HSD17B6: variants seen among roughly 807,000 people sequenced by gnomAD.
HSD17B6 encodes the protein 17-beta-hydroxysteroid dehydrogenase type 6.
A neutral mutation model predicts 26.4 loss-of-function variants in HSD17B6; 16 were observed. That is an observed-to-expected ratio of 0.61 (90% confidence interval 0.41 to 0.92). HSD17B6 has a LOEUF of 0.92. HSD17B6 is among the 40% of genes least tolerant of loss of function. HSD17B6 has a pLI of 0.00. For missense variants in HSD17B6, 357 were observed against 386.1 expected (o/e 0.92, Z 0.63); for synonymous variants, 139 against 153.0 (o/e 0.91, Z 0.68).
intron 1 of HSD17B6, among the ~76,000 whole-genome samples, chr12:56,769,854 C>T (rs553011486): frequency 1.7e-4 from 25 of 145,844 alleles, no homozygotes; most frequent in Non-Finnish European, 2.9e-4. Flanking sequence ...TTTGGGATTC[C>T]GCCAGGTGTA....
At chr12:56,786,012 T>A in intron 4 of HSD17B6, 1 of 933,262 alleles carries the variant, frequency 1.1e-6, no homozygotes, top group Non-Finnish European at 1.3e-6. Context: ...TGACTTCTAA[T>A]AGGTACAGGG....
intron 1 of HSD17B6, among the ~76,000 whole-genome samples, chr12:56,769,403 A>G (rs1362381532): frequency 6.6e-6 from 1 of 152,150 alleles, no homozygotes; most frequent in Admixed American, 6.6e-5. Context: ...TGCCTGGCCT[A>G]GCTTTTCAAG....
intron 2 of HSD17B6, among the ~76,000 whole-genome samples, chr12:56,778,402 C>G (rs1412278638): frequency 6.6e-6 from 1 of 152,046 alleles, no homozygotes; most frequent in African/African-American, 2.4e-5. Context: ...ATTCTGCTGC[C>G]TCAGCCTCCT....
At chr12:56,781,908 C>G in intron 2 of HSD17B6, 66 bp from the exon 3 acceptor site, 1 of 1,538,612 alleles carries the variant, frequency 6.5e-7, no homozygotes, top group Non-Finnish European at 8.8e-7. Context: ...TCTTTCCCCA[C>G]CAAAGTTCAA....
At chr12:56,768,115 T>G (rs1449121785) in intron 1 of HSD17B6, among the ~76,000 whole-genome samples, 3 of 152,064 alleles carry the variant, frequency 2.0e-5, no homozygotes, top group Non-Finnish European at 4.4e-5. Context: ...CAGAATCCAA[T>G]GAGAGCATGG....
intron 1 of HSD17B6, among the ~76,000 whole-genome samples, chr12:56,763,923 G>C (rs1346988158): frequency 6.6e-6 from 1 of 151,742 alleles, no homozygotes; most frequent in Middle Eastern, 3.2e-3. Flanking sequence ...CAAAAAATTA[G>C]CTAGGTGTGG....
chr12:56,785,373 A>G (rs1954854346), intron 4 of HSD17B6, among the ~76,000 whole-genome samples: 1 of 152,212 alleles, frequency 6.6e-6, no homozygotes, highest in Admixed American at 6.5e-5. Context: ...ATTCAAGATG[A>G]GTTGGGTGGG....
intron 2 of HSD17B6, among the ~76,000 whole-genome samples, chr12:56,776,175 C>T (rs1265207603): frequency 6.6e-6 from 1 of 152,196 alleles, no homozygotes; most frequent in Admixed American, 6.5e-5. Context: ...ATCTGCCCGC[C>T]TTGGCCTTCC....
intron 1 of HSD17B6, among the ~76,000 whole-genome samples, chr12:56,764,027 C>T (rs1954264167): frequency 7.4e-6 from 1 of 134,568 alleles, no homozygotes; most frequent in Non-Finnish European, 1.5e-5. Flanking sequence ...TGTGATTGCA[C>T]CACTGCACTC....
intron 1 of HSD17B6, among the ~76,000 whole-genome samples, chr12:56,765,889 A>G (rs2137892266): frequency 6.6e-6 from 1 of 152,254 alleles, no homozygotes; most frequent in Admixed American, 6.5e-5. Context: ...AGAAAAGGAA[A>G]GGTGTCAGGC....
intron 3 of HSD17B6, among the ~76,000 whole-genome samples, chr12:56,782,616 C>T (rs1464611730): frequency 2.6e-5 from 4 of 151,808 alleles, no homozygotes; most frequent in Non-Finnish European, 5.9e-5. Flanking sequence ...ACCTCAACTT[C>T]CCTGGTAGCT....
chr12:56,776,951 C>A (rs1215726901), intron 2 of HSD17B6, among the ~76,000 whole-genome samples: 1 of 152,150 alleles, frequency 6.6e-6, no homozygotes, highest in Non-Finnish European at 1.5e-5. Context: ...TTTTTAAGTT[C>A]TATTTTGTCT....
At chr12:56,786,652 C>T (rs1236832977) in intron 4 of HSD17B6, among the ~76,000 whole-genome samples, 1 of 152,140 alleles carries the variant, frequency 6.6e-6, no homozygotes, top group Non-Finnish European at 1.5e-5. Context: ...GAATTCAAGA[C>T]CAGCCTGGGC....
intron 4 of HSD17B6, chr12:56,785,846 TAA>T (rs1592378618): frequency 4.2e-6 from 2 of 478,624 alleles, no homozygotes; most frequent in African/African-American, 2.1e-5. Context: ...TCAGTGAGGA[TAA>T]GTCTTTGCAG....
At chr12:56,774,206 T>C (rs1954544320) in intron 2 of HSD17B6, 41 bp downstream of exon 2, 1 of 1,510,728 alleles carries the variant, frequency 6.6e-7, no homozygotes, top group African/African-American at 1.4e-5. Flanking sequence ...AGCATGAAGA[T>C]GCTAAGGTTA....
Position 56,784,704 on chromosome 12 carries a change from CGAGGGA to C in HSD17B6, c.573-128_573-123del, listed in dbSNP as rs537252255. The stretch of plus-strand genomic sequence containing the variant: ...GAGGGAGACCGTGGGGAGAGGGAGA[CGAGGGA>C]GAGGGAGAGGGAGAGGGAGATTTCT... On this transcript the variant is annotated intron_variant, in intron 3 of 4. Coordinates refer to ENST00000322165, the MANE Select transcript of HSD17B6 (RefSeq NM_003725.4). 4.1e-3 allele frequency: 3,078 copies of C among 751,470 alleles called. 17 individuals carry two copies. The highest frequency in any genetic ancestry group is 4.1e-3 in the Non-Finnish European group (1,927 of 470,714). The allele number at this position is 751,470 out of a possible 1,614,324, so 46.6% of individuals were successfully genotyped here.
chr12:56,769,666 T>C (rs1376063335), intron 1 of HSD17B6, among the ~76,000 whole-genome samples: 1 of 152,162 alleles, frequency 6.6e-6, no homozygotes, highest in Non-Finnish European at 1.5e-5. Context: ...TGTCAAAAAT[T>C]GGTAAATCAA....
intron 4 of HSD17B6, 114 bp from the exon 5 acceptor site, chr12:56,787,011 A>C: frequency 1.3e-6 from 1 of 771,672 alleles, no homozygotes; most frequent in Non-Finnish European, 2.1e-6. Context: ...TGGGATGCAC[A>C]TTCTAGATCA....
intron 3 of HSD17B6, among the ~76,000 whole-genome samples, chr12:56,784,161 C>T (rs950915978): frequency 1.3e-5 from 2 of 151,362 alleles, no homozygotes; most frequent in South Asian, 2.1e-4. Context: ...GATGGGATGG[C>T]GGCTGGGCAG....
Sources: allele counts gnomAD v4.1 joint callset (sites outside exome capture counted in the v4.1 genomes callset), GRCh38; gene constraint gnomAD v4.1.1; transcripts MANE v1.5; gene names NCBI Gene and HGNC (gene_info 2026-07-23, HGNC 2026-07-21).